RAB3C: variants seen among roughly 807,000 people sequenced by gnomAD.
RAB3C encodes the protein RAB3C, member RAS oncogene family.
Under a neutral mutation model 26.4 loss-of-function variants are expected in RAB3C, and 17 were observed. The observed-to-expected ratio is 0.64, with a 90% confidence interval of 0.44 to 0.97. The LOEUF (loss-of-function observed/expected upper bound fraction) is 0.97, where lower values mean the gene tolerates loss of function less well. RAB3C is among the 50% of genes least tolerant of loss of function. The pLI is 0.00. For missense variants in RAB3C, 242 were observed against 281.9 expected (o/e 0.86, Z 1.01); for synonymous variants, 91 against 95.9 (o/e 0.95, Z 0.30).
At chr5:58,744,343 C>T (rs1217086747) in intron 3 of RAB3C, among the ~76,000 whole-genome samples, 1 of 152,194 alleles carries the variant, frequency 6.6e-6, no homozygotes, top group Non-Finnish European at 1.5e-5. Context: ...CCTGGGACCC[C>T]TTGACTATCT....
intron 2 of RAB3C, among the ~76,000 whole-genome samples, chr5:58,633,393 G>C (rs999776302): frequency 1.3e-5 from 2 of 152,284 alleles, no homozygotes; most frequent in East Asian, 3.9e-4. Flanking sequence ...GGAAAGTAGA[G>C]GGGGAGGCAC....
intron 4 of RAB3C, 92 bp downstream of exon 4, chr5:58,825,254 T>G: frequency 7.8e-7 from 1 of 1,284,606 alleles, no homozygotes; most frequent in African/African-American, 1.5e-5. Flanking sequence ...AGGGTGGAGT[T>G]AATGAAATGT....
chr5:58,751,540 G>A (rs1741525045), intron 3 of RAB3C, among the ~76,000 whole-genome samples: 1 of 152,174 alleles, frequency 6.6e-6, no homozygotes, highest in Admixed American at 6.5e-5. Flanking sequence ...AGGAGAGGGA[G>A]ATAGACTCCT....
chr5:58,602,651 CA>C (rs34739565), intron 1 of RAB3C, among the ~76,000 whole-genome samples: 19,183 of 152,096 alleles, frequency 0.13, 1,518 homozygotes, highest in South Asian at 0.23. Context: ...GTCTGATATA[CA>C]AATAGCTATC....
In RAB3C at chr5:58,797,285, A is replaced by G. The variant is rs552199114; in HGVS notation, c.372-27753A>G. 4.1e-5 allele frequency among the ~76,000 whole-genome samples: 6 copies of G among 148,064 alleles called. No individual in the cohort carries two copies. In the East Asian group the frequency reaches 1.0e-3, roughly 25 times the overall value. ...AATGTGCTTCCCTAAAGACCTTACT[A>G]ACTGACTGGCAGTGAGTGAATTCAG... On this transcript the variant is annotated intron_variant, in intron 3 of 4. Transcript: ENST00000282878.
intron 2 of RAB3C, among the ~76,000 whole-genome samples, chr5:58,621,766 G>C (rs879615065): frequency 6.6e-6 from 1 of 151,956 alleles, no homozygotes; most frequent in Admixed American, 6.6e-5. Context: ...AGGGGAGATG[G>C]GGTTTCACCA....
At chr5:58,656,855 AC>A in intron 2 of RAB3C, among the ~76,000 whole-genome samples, 1 of 152,284 alleles carries the variant, frequency 6.6e-6, no homozygotes, top group Middle Eastern at 3.4e-3. Flanking sequence ...AAGCAGAACC[AC>A]CATTTGATCC....
chr5:58,691,339 C>T (rs574741155), intron 2 of RAB3C, among the ~76,000 whole-genome samples: 11 of 152,222 alleles, frequency 7.2e-5, no homozygotes, highest in Admixed American at 3.9e-4. Flanking sequence ...AAGAGATTAA[C>T]AACCGGAGAG....
intron 3 of RAB3C, among the ~76,000 whole-genome samples, chr5:58,734,712 A>G (rs779206696): frequency 2.0e-5 from 3 of 152,200 alleles, no homozygotes; most frequent in Non-Finnish European, 4.4e-5. Flanking sequence ...TCAGGCTAAA[A>G]TCTTCGGAGT....
rs191080499 is a variant in RAB3C, at chr5:58,660,607, G to A, written c.252+42737G>A. ...ATTTTATCACATGAATCAGATGAGAGAAGGAGCCCACATTAGTCAGTGTAA... is the reference window on the plus strand; with the variant it reads ...ATTTTATCACATGAATCAGATGAGAAAAGGAGCCCACATTAGTCAGTGTAA... On this transcript the variant is annotated intron_variant, in intron 2 of 4. Transcript: ENST00000282878. Among the ~76,000 whole-genome samples the A allele has an allele frequency of 2.0e-4, 30 of 150,382 alleles. No homozygotes were observed. The East Asian group carries it at 5.8e-3, about 29-fold the overall frequency.
intron 2 of RAB3C, among the ~76,000 whole-genome samples, chr5:58,698,075 T>C (rs1039378651): frequency 2.0e-5 from 3 of 152,174 alleles, no homozygotes; most frequent in African/African-American, 7.2e-5. Context: ...TTTCCTTCCA[T>C]GTTTAGTGCT....
chr5:58,592,842 T>G (rs1266098072), intron 1 of RAB3C, among the ~76,000 whole-genome samples: 1 of 152,152 alleles, frequency 6.6e-6, no homozygotes, highest in Non-Finnish European at 1.5e-5. Flanking sequence ...ATTTTCTGTT[T>G]AACTTTGAGT....
intron 2 of RAB3C, among the ~76,000 whole-genome samples, chr5:58,691,867 GTCT>G (rs1387796605): frequency 6.6e-6 from 1 of 152,256 alleles, no homozygotes; most frequent in Admixed American, 6.5e-5. Flanking sequence ...TGTGGAACTG[GTCT>G]TCTTGTTCTT....
chr5:58,747,566 T>C (rs574352284), intron 3 of RAB3C, among the ~76,000 whole-genome samples: 2 of 152,210 alleles, frequency 1.3e-5, no homozygotes, highest in African/African-American at 4.8e-5. Context: ...TATTATTTAG[T>C]CAAAATATTT....
intron 2 of RAB3C, among the ~76,000 whole-genome samples, chr5:58,648,907 A>G (rs1378721794): frequency 6.6e-6 from 1 of 152,066 alleles, no homozygotes; most frequent in East Asian, 1.9e-4. Context: ...GCTTGTGGCT[A>G]TCTCAAGGCT....
chr5:58,847,938 C>T (rs1254865679), intron 4 of RAB3C, among the ~76,000 whole-genome samples: 1 of 152,166 alleles, frequency 6.6e-6, no homozygotes, highest in Non-Finnish European at 1.5e-5. Context: ...CTCACTGCAA[C>T]CTCCACATCT....
intron 3 of RAB3C, among the ~76,000 whole-genome samples, chr5:58,736,203 C>T (rs760915879): frequency 2.6e-5 from 4 of 152,190 alleles, no homozygotes; most frequent in Non-Finnish European, 5.9e-5. Flanking sequence ...CATGCAGGGC[C>T]CCATGGTCTA....
Position 58,624,618 on chromosome 5 carries a change from C to T in RAB3C, c.252+6748C>T, listed in dbSNP as rs114042911. ...TCAGCTTCATGGAAATCCACCTCTACTTTTGTCGAAAATTTACCTGTGATT... is the reference window on the plus strand; with the variant it reads ...TCAGCTTCATGGAAATCCACCTCTATTTTTGTCGAAAATTTACCTGTGATT... On this transcript the variant is annotated intron_variant, in intron 2 of 4. Transcript: ENST00000282878. Among the ~76,000 whole-genome samples, 167 of 152,290 alleles carry T rather than the reference C, an allele frequency of 1.1e-3. 1 individual carries two copies. The highest frequency in any genetic ancestry group is 3.5e-3 in the African/African-American group (147 of 41,568).
At chr5:58,725,180 TAAA>T (rs1461942908) in intron 2 of RAB3C, among the ~76,000 whole-genome samples, 2 of 151,888 alleles carry the variant, frequency 1.3e-5, no homozygotes, top group Non-Finnish European at 2.9e-5. Context: ...CCTTCATAGA[TAAA>T]GGATATTTTT....
Sources: gnomAD v4.1 joint callset for allele counts (sites outside exome capture counted in the v4.1 genomes callset) on GRCh38, gnomAD v4.1.1 for gene constraint, MANE v1.5 for transcripts, NCBI Gene and HGNC (gene_info 2026-07-23, HGNC 2026-07-21) for gene names.